The following TRIM5 variants were observed in gnomAD, a reference collection of about 807,000 sequenced individuals.
TRIM5 encodes tripartite motif-containing protein 5.
TRIM5 carries 31 observed loss-of-function variants against 35.6 expected under a neutral mutation model. The ratio of observed to expected loss-of-function variants is 0.87; its 90% CI spans 0.65 to 1.18. The LOEUF is 1.18. TRIM5 is among the 50% of genes most tolerant of loss of function. The probability of loss-of-function intolerance (pLI) is 0.00; values close to 1 mark genes in which losing one functional copy is unlikely to be tolerated. For synonymous variants in TRIM5, 243 were observed against 215.6 expected, an observed-to-expected ratio of 1.13 and a Z score of -1.11; for missense variants, 609 against 591.6, an observed-to-expected ratio of 1.03 and a Z score of -0.31.
the TRIM5 span, among the ~76,000 whole-genome samples, chr11:5,606,110 C>A: frequency 6.6e-6 from 1 of 152,212 alleles, no homozygotes; most frequent in Non-Finnish European, 1.5e-5. Context: ...GGGAATTTGC[C>A]AAGTGCTTCT....
In TRIM5 at chr11:5,677,601, G is replaced by A. The variant is rs183220651; in HGVS notation, c.744+603C>T. Among the ~76,000 whole-genome samples, 21 of 152,252 alleles carry A rather than the reference G, an allele frequency of 1.4e-4. No homozygotes were observed. In the East Asian group the frequency reaches 2.7e-3, roughly 20 times the overall value. ...TTTTTAGTAGAGACGGGGTTTCACC[G>A]TGTTAGCCAGGATGGTCTCAATCGC... On this transcript the variant is annotated intron_variant, in intron 4 of 7. Coordinates refer to ENST00000380034, the MANE Select transcript of TRIM5 (RefSeq NM_033034.3).
chr11:5,610,122 C>G, the TRIM5 span: 4 of 1,613,440 alleles, frequency 2.5e-6, no homozygotes, highest in East Asian at 2.2e-5. Context: ...AGTGTGGGAA[C>G]TCAGAAGTCC....
At chr11:5,642,084 A>G in the TRIM5 span, among the ~76,000 whole-genome samples, 3 of 152,198 alleles carry the variant, frequency 2.0e-5, no homozygotes, top group African/African-American at 7.2e-5. Flanking sequence ...TACAGGTAGC[A>G]AAGTCTTTTC....
chr11:5,619,939 ATC>A, the TRIM5 span: 5 of 150,786 alleles, frequency 3.3e-5, no homozygotes, highest in African/African-American at 1.2e-4. Flanking sequence ...ACCTCAAGTG[ATC>A]CACCCGCCTC....
the TRIM5 span, chr11:5,611,125 A>T: frequency 1.9e-6 from 3 of 1,613,948 alleles, no homozygotes; most frequent in East Asian, 2.2e-5. Context: ...GCCTATGAGG[A>T]TTCTTCCCCT....
chr11:5,620,312 G>T, the TRIM5 span, among the ~76,000 whole-genome samples: 1 of 151,244 alleles, frequency 6.6e-6, no homozygotes, highest in African/African-American at 2.4e-5. Context: ...CAAGTAACTG[G>T]GACTACAGGC....
chr11:5,675,042 T>G (rs949032545), intron 4 of TRIM5, among the ~76,000 whole-genome samples: 1 of 152,146 alleles, frequency 6.6e-6, no homozygotes, highest in Non-Finnish European at 1.5e-5. Context: ...TTTTCTTTTT[T>G]TTTTGAGATG....
the TRIM5 span, among the ~76,000 whole-genome samples, chr11:5,617,097 C>A: frequency 7.2e-6 from 1 of 139,222 alleles, no homozygotes; most frequent in Non-Finnish European, 1.6e-5. Context: ...AATAAGGAAT[C>A]AACAAAGAAA....
At position 5,678,215 on chromosome 11, in the gene TRIM5, C is replaced by T. The variant is rs1302743096; in HGVS notation, c.733G>A (p.Glu245Lys). The change falls in exon 4 of 8, where the codon GAG becomes AAG. Residue 245 changes from glutamate (E) to lysine (K), a missense_variant. Transcript: ENST00000380034. ...TTTCCACTTTTTACCTGAAGCAGCT[C>T]CATCACTGACCCCTGCAGCCGATGC... ...LEHRLQGSVM[E>K]LLQGVDGVIK... is the part of the protein sequence containing the mutation. The T allele has an allele frequency of 5.0e-6, 8 of 1,609,506 alleles. No individual in the cohort carries two copies. Among genetic ancestry groups the T allele is most frequent in the Non-Finnish European group, 6.8e-6 (8 of 1,176,770 alleles).
chr11:5,665,239 G>C lies in TRIM5; in HGVS notation c.1052C>G (p.Ser351Cys). 1 of 1,614,104 alleles carries C rather than the reference G, an allele frequency of 6.2e-7. No homozygotes were observed. The highest frequency in any genetic ancestry group is 8.5e-7 in the Non-Finnish European group (1 of 1,180,032). ...NFNYCTGILG[S>C]QSITSGKHYW... ...ATGTTTCCCTGATGTGATACTTTGAGAGCCCAGGATGCCAGTACAATAATT... is the reference window on the plus strand; with the variant it reads ...ATGTTTCCCTGATGTGATACTTTGACAGCCCAGGATGCCAGTACAATAATT... Residue 351 changes from serine (S) to cysteine (C), a missense_variant, in exon 8 of 8, where the codon TCT becomes TGT. Ser to Cys is a moderately radical substitution (Grantham distance 112). Transcript: ENST00000380034.
the TRIM5 span, among the ~76,000 whole-genome samples, chr11:5,648,725 G>A: frequency 1.3e-5 from 2 of 152,208 alleles, no homozygotes; most frequent in Non-Finnish European, 2.9e-5. Flanking sequence ...CCTTGTGGAA[G>A]AGGCTTTTGG....
the TRIM5 span, among the ~76,000 whole-genome samples, chr11:5,651,517 C>T: frequency 0.02 from 3,021 of 152,278 alleles, 46 homozygotes; most frequent in Non-Finnish European, 0.029. Flanking sequence ...TGTATAGGTA[C>T]CACATTTCCT....
chr11:5,660,334 C>T (rs1162058568), downstream of TRIM5, among the ~76,000 whole-genome samples: 3 of 152,178 alleles, frequency 2.0e-5, no homozygotes, highest in South Asian at 6.2e-4. Flanking sequence ...TAGTGTTCTA[C>T]CCAGTAACAA....
chr11:5,674,983 A>G (rs1851836262), intron 4 of TRIM5, among the ~76,000 whole-genome samples: 1 of 152,164 alleles, frequency 6.6e-6, no homozygotes, highest in Non-Finnish European at 1.5e-5. Context: ...AGAATGTGGC[A>G]ATTATAGTTA....
the TRIM5 span, among the ~76,000 whole-genome samples, chr11:5,640,219 G>A: frequency 6.6e-6 from 1 of 152,154 alleles, no homozygotes; most frequent in Non-Finnish European, 1.5e-5. Flanking sequence ...AAAGCATTCA[G>A]TTTTTCACCA....
the TRIM5 span, chr11:5,605,639 C>T: frequency 6.7e-7 from 1 of 1,492,554 alleles, no homozygotes; most frequent in Non-Finnish European, 8.9e-7. Context: ...CTTTCTGGGA[C>T]ATCAGACTAC....
chr11:5,596,543 T>TTCCCCCTTCCCCCTTCCCCTC, the TRIM5 span: 1 of 24,650 alleles, frequency 4.1e-5, no homozygotes, highest in African/African-American at 1.7e-4. Flanking sequence ...CCTTCCCCCT[T>TTCCCCCTTCCCCCTTCCCCTC]CCCCCTTCCC....
At chr11:5,668,212 C>G (rs1365119282) in intron 4 of TRIM5, among the ~76,000 whole-genome samples, 1 of 152,074 alleles carries the variant, frequency 6.6e-6, no homozygotes, top group Non-Finnish European at 1.5e-5. Flanking sequence ...TTGACTGAGG[C>G]TGCACTGAGC....
the TRIM5 span, chr11:5,603,860 C>T: frequency 6.9e-6 from 10 of 1,443,260 alleles, no homozygotes; most frequent in Non-Finnish European, 9.2e-6. Flanking sequence ...CTGGAAACTG[C>T]CTCCCTGATT....
Sources: allele counts gnomAD v4.1 joint callset (sites outside exome capture counted in the v4.1 genomes callset), GRCh38; gene constraint gnomAD v4.1.1; transcripts MANE v1.5; gene names NCBI Gene and HGNC (gene_info 2026-07-23, HGNC 2026-07-21).